Variants in RANBP17 observed in about 807,000 individuals in gnomAD.
The protein encoded by RANBP17 is ran-binding protein 17.
A neutral mutation model predicts 141.2 loss-of-function variants in RANBP17; 158 were observed. The observed-to-expected ratio is 1.12, with a 90% confidence interval of 0.98 to 1.28. The LOEUF (loss-of-function observed/expected upper bound fraction) is 1.28, where lower values mean the gene tolerates loss of function less well. RANBP17 is among the 50% of genes most tolerant of loss of function. The probability of loss-of-function intolerance (pLI) is 0.00; values close to 1 mark genes in which losing one functional copy is unlikely to be tolerated. For synonymous variants in RANBP17, 430 were observed against 450.0 expected, an observed-to-expected ratio of 0.96 and a Z score of 0.56; for missense variants, 1,438 against 1,290.7, an observed-to-expected ratio of 1.11 and a Z score of -1.75.
intron 25 of RANBP17, among the ~76,000 whole-genome samples, chr5:171,266,733 C>G (rs973502644): frequency 5.9e-5 from 9 of 151,866 alleles, no homozygotes; most frequent in African/African-American, 2.2e-4. Context: ...CCAATATGGT[C>G]AAACCCCATC....
At chr5:171,092,337 T>A (rs1786355998) in intron 14 of RANBP17, among the ~76,000 whole-genome samples, 1 of 152,246 alleles carries the variant, frequency 6.6e-6, no homozygotes, top group Non-Finnish European at 1.5e-5. Flanking sequence ...CAAACTGATC[T>A]ATGACTACAA....
rs201397836 is a variant in RANBP17 at position 170,918,762 on chromosome 5, G to A, written c.1004G>A (p.Arg335His). The change falls in exon 10 of 28, where the codon CGT (arginine) becomes CAT (histidine). Residue 335 changes from arginine (R) to histidine (H), a missense_variant. Transcript: ENST00000523189. The part of the protein sequence containing the change: ...NYHEFCRFLA[R>H]LKTNYQLGEL... The stretch of plus-strand genomic sequence containing the variant: ...CATGAATTTTGTCGATTTTTGGCTC[G>A]TTTAAAGACAAATTATCAGCTGGGA... 6.2e-6 allele frequency: 10 copies of A among 1,606,070 alleles called. No individual in the cohort carries two copies. Among genetic ancestry groups the A allele is most frequent in the African/African-American group, 4.0e-5 (3 of 74,366 alleles).
At chr5:171,201,983 G>A (rs1020775786) in intron 19 of RANBP17, among the ~76,000 whole-genome samples, 7 of 152,070 alleles carry the variant, frequency 4.6e-5, no homozygotes, top group South Asian at 2.1e-4. Flanking sequence ...TGAAAATGCC[G>A]CAGGACTGCC....
chr5:171,199,175 A>G (rs1762151371), intron 18 of RANBP17, among the ~76,000 whole-genome samples: 1 of 152,126 alleles, frequency 6.6e-6, no homozygotes, highest in Non-Finnish European at 1.5e-5. Context: ...CCTTTTTGGC[A>G]GATAAAAGTT....
At chr5:171,198,289 T>G (rs1262961958) in intron 18 of RANBP17, among the ~76,000 whole-genome samples, 1 of 152,236 alleles carries the variant, frequency 6.6e-6, no homozygotes, top group Non-Finnish European at 1.5e-5. Flanking sequence ...TTACTCAGGA[T>G]ACTGACCTTC....
intron 12 of RANBP17, among the ~76,000 whole-genome samples, chr5:170,927,270 A>G (rs923531217): frequency 9.9e-5 from 15 of 152,038 alleles, no homozygotes; most frequent in African/African-American, 3.1e-4. Flanking sequence ...AGGACAATAT[A>G]TATATATTTT....
intron 14 of RANBP17, among the ~76,000 whole-genome samples, chr5:171,128,716 A>G (rs1050835178): frequency 1.3e-5 from 2 of 152,296 alleles, no homozygotes; most frequent in African/African-American, 4.8e-5. Context: ...TATCCTAAAC[A>G]TCTTGATTTT....
chr5:171,161,661 C>T (rs1224218578), intron 14 of RANBP17, among the ~76,000 whole-genome samples: 1 of 152,152 alleles, frequency 6.6e-6, no homozygotes, highest in Admixed American at 6.5e-5. Flanking sequence ...TAGTAGTCCA[C>T]TAATAAGCAG....
At chr5:171,148,265 T>C (rs7735753) in intron 14 of RANBP17, among the ~76,000 whole-genome samples, 5 of 152,170 alleles carry the variant, frequency 3.3e-5, no homozygotes, top group Admixed American at 2.0e-4. Context: ...AGGCCGCAGG[T>C]TCCTCTGCCT....
intron 14 of RANBP17, among the ~76,000 whole-genome samples, chr5:171,148,613 TATAGAG>T: frequency 6.7e-6 from 1 of 150,220 alleles, no homozygotes; most frequent in African/African-American, 2.5e-5. Context: ...TATATATATA[TATAGAG>T]AGAGAGAGAG....
chr5:171,216,685 G>A (rs1303376990), intron 21 of RANBP17, among the ~76,000 whole-genome samples: 3 of 152,144 alleles, frequency 2.0e-5, no homozygotes, highest in Non-Finnish European at 2.9e-5. Flanking sequence ...ACAAATGGGA[G>A]TTCACTCATG....
At chr5:171,276,860 G>A (rs2128032173) in intron 25 of RANBP17, among the ~76,000 whole-genome samples, 1 of 146,890 alleles carries the variant, frequency 6.8e-6, no homozygotes, top group African/African-American at 2.5e-5. Context: ...ATTAATAGTG[G>A]TTGGCATAAT....
intron 24 of RANBP17, 106 bp downstream of exon 24, chr5:171,242,926 T>C (rs758073372): frequency 9.0e-5 from 93 of 1,030,224 alleles, no homozygotes; most frequent in Non-Finnish European, 1.3e-4. Flanking sequence ...AAAGATATTG[T>C]GAACCCAAAC....
intron 14 of RANBP17, among the ~76,000 whole-genome samples, chr5:171,036,624 G>A (rs1781899772): frequency 6.6e-6 from 1 of 152,046 alleles, no homozygotes; most frequent in Admixed American, 6.5e-5. Context: ...TGTGTCTCTT[G>A]TTGCCATCTG....
intron 1 of RANBP17, among the ~76,000 whole-genome samples, chr5:170,870,539 G>A (rs1481894798): frequency 6.6e-6 from 1 of 152,178 alleles, no homozygotes; most frequent in East Asian, 1.9e-4. Flanking sequence ...TCCCAGCAAA[G>A]GACATGATCT....
At chr5:170,871,247 CTA>C (rs1767694791) in intron 1 of RANBP17, among the ~76,000 whole-genome samples, 1 of 152,128 alleles carries the variant, frequency 6.6e-6, no homozygotes, top group African/African-American at 2.4e-5. Flanking sequence ...CAGGGTTTCA[CTA>C]TGTTGGCCAG....
At chr5:171,191,331 T>TATCCTTTTTG (rs150412536) in intron 18 of RANBP17, among the ~76,000 whole-genome samples, 10,290 of 152,190 alleles carry the variant, frequency 0.068, 470 homozygotes, top group African/African-American at 0.12. Context: ...CATAGGCATT[T>TATCCTTTTTG]ATCCTTTTTG....
At chr5:170,968,440 A>T in intron 14 of RANBP17, 63 bp downstream of exon 14, 1 of 1,410,008 alleles carries the variant, frequency 7.1e-7, no homozygotes, top group East Asian at 2.3e-5. Context: ...TACATATATA[A>T]CTGAATGATA....
At chr5:171,033,827 T>G (rs976517726) in intron 14 of RANBP17, among the ~76,000 whole-genome samples, 7 of 152,182 alleles carry the variant, frequency 4.6e-5, no homozygotes, top group Non-Finnish European at 1.0e-4. Flanking sequence ...TGCATGGATT[T>G]AAAGTTCTCA....
Sources: allele counts gnomAD v4.1 joint callset (sites outside exome capture counted in the v4.1 genomes callset), GRCh38; gene constraint gnomAD v4.1.1; transcripts MANE v1.5; gene names NCBI Gene and HGNC (gene_info 2026-07-23, HGNC 2026-07-21).